IFT81: variants seen among roughly 807,000 people sequenced by gnomAD.
IFT81 encodes the protein intraflagellar transport protein 81 homolog.
Under a neutral mutation model 102.6 loss-of-function variants are expected in IFT81, and 72 were observed. The ratio of observed to expected loss-of-function variants is 0.70; its 90% confidence interval spans 0.58 to 0.85. IFT81 has a LOEUF of 0.85. IFT81 is among the 40% of genes least tolerant of loss of function. IFT81 has a pLI of 0.00. For synonymous variants in IFT81, 237 were observed against 242.7 expected, an observed-to-expected ratio of 0.98 and a Z score of 0.22; for missense variants, 723 against 787.3, an observed-to-expected ratio of 0.92 and a Z score of 0.98.
chr12:110,127,007 C>G (rs1363315120), intron 1 of IFT81, among the ~76,000 whole-genome samples: 1 of 152,088 alleles, frequency 6.6e-6, no homozygotes, highest in African/African-American at 2.4e-5. Context: ...AGTCAGGCTC[C>G]TAAAATTTAG....
rs754703921 is a variant in IFT81, at chr12:110,128,999, C to T, written c.298C>T (p.Pro100Ser). Reference sequence around the variant, plus strand: ...GATTGGAAGTAAACCTGTAATTTACCCAGTGCTCCACTGGCTTCTTCAGAG... The same window carrying T: ...GATTGGAAGTAAACCTGTAATTTACTCAGTGCTCCACTGGCTTCTTCAGAG... Reference protein sequence around the residue: ...LVIGSKPVIYPVLHWLLQRTN... With the variant: ...LVIGSKPVIYSVLHWLLQRTN... Residue 100 changes from proline to serine, a missense_variant, in exon 4 of 19, where the codon CCA becomes TCA. Pro to Ser is a moderately conservative substitution (Grantham distance 74). Transcript: ENST00000242591. 6.2e-7 allele frequency: 1 copy of T among 1,613,024 alleles called. No individual in the cohort carries two copies. Among genetic ancestry groups the T allele is most frequent in the South Asian group, 1.1e-5 (1 of 90,908 alleles).
chr12:110,124,473 C>T lies in IFT81; in HGVS notation c.-410C>T, dbSNP rs1277338905. 1 of 152,192 alleles carries T rather than the reference C, an allele frequency of 6.6e-6. No homozygotes were observed. Among genetic ancestry groups the T allele is most frequent in the Non-Finnish European group, 1.5e-5 (1 of 68,142 alleles). The allele number at this position is 152,192 out of a possible 1,614,324, so 9.4% of individuals were successfully genotyped here. A position where few individuals can be genotyped will look rare whatever the true frequency, so the allele number is the denominator to read the frequency against. Reference sequence around the variant, plus strand: ...CCTCGCCAACTCGCGGTCGGAAGCTCCTCTGAACCCCGAAATAGGAGAGAG... The same window carrying T: ...CCTCGCCAACTCGCGGTCGGAAGCTTCTCTGAACCCCGAAATAGGAGAGAG... On this transcript the variant is annotated 5_prime_UTR_variant, in exon 1 of 19. Transcript: ENST00000242591.
At chr12:110,203,780 AC>A in intron 14 of IFT81, 83 bp from the exon 15 acceptor site, 1 of 842,784 alleles carries the variant, frequency 1.2e-6, no homozygotes, top group Non-Finnish European at 2.0e-6. Context: ...AAGTTACAAG[AC>A]TGACAAGGGC....
intron 17 of IFT81, among the ~76,000 whole-genome samples, chr12:110,208,647 A>C (rs907679160): frequency 2.0e-5 from 3 of 152,246 alleles, no homozygotes; most frequent in African/African-American, 7.2e-5. Context: ...TAATTTGCTT[A>C]AACATTTTCC....
intron 12 of IFT81, 57 bp downstream of exon 12, chr12:110,180,628 T>G: frequency 8.0e-7 from 1 of 1,252,600 alleles, no homozygotes; most frequent in East Asian, 2.4e-5. Flanking sequence ...GTTTATGGGT[T>G]ACAGCTTTAT....
At chr12:110,207,221 GTTTATATTTTTGTAT>G (rs1003483961) in intron 17 of IFT81, among the ~76,000 whole-genome samples, 1 of 151,866 alleles carries the variant, frequency 6.6e-6, no homozygotes, top group Non-Finnish European at 1.5e-5. Context: ...TATTTTTGTA[GTTTATATTTTTGTAT>G]TTTTGTAGAA....
At chr12:110,152,539 G>T (rs574494087) in intron 10 of IFT81, among the ~76,000 whole-genome samples, 37 of 151,844 alleles carry the variant, frequency 2.4e-4, no homozygotes, top group African/African-American at 8.0e-4. Flanking sequence ...TATTTTGGAT[G>T]TTAACCCCAT....
chr12:110,128,135 A>C lies in IFT81; in HGVS notation c.234A>C (p.Gly78=). The C allele has an allele frequency of 6.2e-7, 1 of 1,607,188 alleles. No individual in the cohort carries two copies. The highest frequency in any genetic ancestry group is 8.5e-7 in the Non-Finnish European group (1 of 1,173,786). ...GTATTCTTAAGTACAAACCTTCAGGAAATGCCACAGATATGTAAGAATCTG... is the reference window on the plus strand; with the variant it reads ...GTATTCTTAAGTACAAACCTTCAGGCAATGCCACAGATATGTAAGAATCTG... ...LLGILKYKPS[G]NATDMSTFRQ... is the part of the protein sequence containing the mutation. Residue 78 remains glycine, a synonymous_variant, in exon 3 of 19, where the codon GGA becomes GGC. Coordinates refer to ENST00000242591, the MANE Select transcript of IFT81 (RefSeq NM_014055.4).
At chr12:110,125,278 A>T (rs1893761666) in intron 1 of IFT81, among the ~76,000 whole-genome samples, 1 of 152,088 alleles carries the variant, frequency 6.6e-6, no homozygotes, top group African/African-American at 2.4e-5. Context: ...CTTAAAGGAA[A>T]CCTCAGATTT....
rs772908051 is a variant in IFT81 at position 110,205,588 on chromosome 12, T to G, written c.1717-7T>G. ...GTCTTCCCTAAAACTGAAGTCTTTC[T>G]ATTTAGAACCTAGAAGTTCAACTTC... is the stretch of plus-strand genomic sequence containing the variant. On this transcript the variant is annotated splice_polypyrimidine_tract_variant and splice_region_variant and intron_variant, in intron 16 of 18. Coordinates refer to ENST00000242591, the MANE Select transcript of IFT81 (RefSeq NM_014055.4). 1 of 1,595,826 alleles carries G rather than the reference T, an allele frequency of 6.3e-7. No individual in the cohort carries two copies. Among genetic ancestry groups the G allele is most frequent in the Admixed American group, 1.8e-5 (1 of 55,740 alleles).
rs941642087 is a variant in IFT81, at chr12:110,136,798, T to A, written c.719T>A (p.Leu240Ter). 1.5e-5 allele frequency: 24 copies of A among 1,611,776 alleles called. No individual in the cohort carries two copies. Among genetic ancestry groups the A allele is most frequent in the South Asian group, 2.2e-5 (2 of 90,870 alleles). Reference sequence around the variant, plus strand: ...AAGCTATTTCATGCAGTGCAAAGATTGCAAAGAGTACAAAACCAGCTGAAA... The same window carrying A: ...AAGCTATTTCATGCAGTGCAAAGATAGCAAAGAGTACAAAACCAGCTGAAA... ...KNQLFHAVQR[L>*]QRVQNQLKSM... Residue 240 changes from leucine (L) to a stop codon, truncating the protein, a stop_gained, in exon 8 of 19, where the codon TTG (leucine) becomes TAG (stop). Transcript: ENST00000242591. LOFTEE classifies it high-confidence loss of function.
At chr12:110,179,088 C>A (rs1897174081) in intron 11 of IFT81, among the ~76,000 whole-genome samples, 1 of 152,050 alleles carries the variant, frequency 6.6e-6, no homozygotes, top group African/African-American at 2.4e-5. Flanking sequence ...TCTTCACTAA[C>A]TTGGGATATT....
At chr12:110,179,198 A>G (rs1319444301) in intron 11 of IFT81, among the ~76,000 whole-genome samples, 4 of 152,164 alleles carry the variant, frequency 2.6e-5, no homozygotes, top group Admixed American at 2.6e-4. Context: ...AATAGTAGCT[A>G]CAAGTGTTGA....
At chr12:110,126,165 C>G (rs1446677372) in intron 1 of IFT81, among the ~76,000 whole-genome samples, 1 of 151,766 alleles carries the variant, frequency 6.6e-6, no homozygotes, top group Non-Finnish European at 1.5e-5. Flanking sequence ...GTAGTCCCAG[C>G]TACTTGGGAG....
At chr12:110,172,524 T>G (rs1896789702) in intron 11 of IFT81, among the ~76,000 whole-genome samples, 1 of 152,154 alleles carries the variant, frequency 6.6e-6, no homozygotes, top group Non-Finnish European at 1.5e-5. Flanking sequence ...GTGCCTGCAA[T>G]TGCAGGCGCG....
At chr12:110,180,243 GTTA>G (rs1267111857) in intron 11 of IFT81, among the ~76,000 whole-genome samples, 176 bp from the exon 12 acceptor site, 4 of 143,422 alleles carry the variant, frequency 2.8e-5, no homozygotes, top group African/African-American at 7.7e-5. Context: ...AAATTATTAA[GTTA>G]TTATATAATA....
chr12:110,186,566 T>A (rs551117812), intron 12 of IFT81, among the ~76,000 whole-genome samples: 2 of 152,254 alleles, frequency 1.3e-5, no homozygotes, highest in African/African-American at 2.4e-5. Context: ...CAGGCTGGAG[T>A]GCAGTGGTGT....
intron 11 of IFT81, among the ~76,000 whole-genome samples, chr12:110,175,565 A>G (rs1429427771): frequency 6.6e-6 from 1 of 152,194 alleles, no homozygotes; most frequent in East Asian, 1.9e-4. Context: ...ATGTTTAGAA[A>G]TTTTTTAAAA....
At chr12:110,204,358 C>T (rs1898456913) in intron 15 of IFT81, 1 of 161,934 alleles carries the variant, frequency 6.2e-6, no homozygotes, top group South Asian at 1.7e-4. Flanking sequence ...TCTACTCTTG[C>T]TCTCCTAAGG....
Sources: allele counts gnomAD v4.1 joint callset (sites outside exome capture counted in the v4.1 genomes callset), GRCh38; gene constraint gnomAD v4.1.1; transcripts MANE v1.5; gene names NCBI Gene and HGNC (gene_info 2026-07-23, HGNC 2026-07-21).